Variants in SMAD3 observed in about 807,000 individuals in gnomAD.
The protein encoded by SMAD3 is MAD homolog 3.
In SMAD3, 12 loss-of-function variants were observed where a neutral mutation model predicts 51.8. That is an observed-to-expected ratio of 0.23 (90% CI 0.15 to 0.38). The LOEUF is 0.38. SMAD3 is among the 10% of genes least tolerant of loss of function. The pLI, the probability that SMAD3 is intolerant of heterozygous loss-of-function variation, is 1.00. For missense variants in SMAD3, 294 were observed against 565.6 expected, an observed-to-expected ratio of 0.52 and a Z score of 4.87; for synonymous variants, 238 against 227.7, an observed-to-expected ratio of 1.05 and a Z score of -0.41.
chr15:67,085,866 G>A (rs897725541), intron 1 of SMAD3, among the ~76,000 whole-genome samples: 14 of 63,786 alleles, frequency 2.2e-4, no homozygotes, highest in African/African-American at 7.3e-4. Context: ...AAAAAAAAGC[G>A]TGCACACACA....
intron 5 of SMAD3, among the ~76,000 whole-genome samples, chr15:67,177,115 G>A (rs1388059858): frequency 6.6e-6 from 1 of 152,170 alleles, no homozygotes; most frequent in East Asian, 1.9e-4. Flanking sequence ...TTGGTCAGGG[G>A]AGGGGTTGCC....
At chr15:67,074,938 G>A (rs1050445334) in intron 1 of SMAD3, among the ~76,000 whole-genome samples, 4 of 152,128 alleles carry the variant, frequency 2.6e-5, no homozygotes, top group African/African-American at 9.7e-5. Flanking sequence ...AACCTACAGA[G>A]TTATGAATCT....
chr15:67,097,200 G>T (rs144480452), intron 1 of SMAD3, among the ~76,000 whole-genome samples: 130 of 151,548 alleles, frequency 8.6e-4, no homozygotes, highest in Middle Eastern at 6.8e-3. Context: ...TTTTTTTGTG[G>T]TTTTTTTTGT....
At chr15:67,122,777 C>T (rs2140244729) in intron 1 of SMAD3, among the ~76,000 whole-genome samples, 1 of 152,284 alleles carries the variant, frequency 6.6e-6, no homozygotes, top group East Asian at 1.9e-4. Context: ...GACCAGGGTT[C>T]AAATCCTGGC....
intron 1 of SMAD3, among the ~76,000 whole-genome samples, chr15:67,164,040 G>A (rs961575794): frequency 3.3e-5 from 5 of 151,846 alleles, no homozygotes; most frequent in Non-Finnish European, 7.4e-5. Flanking sequence ...GGCCAGGCAC[G>A]GTGGTTCACG....
chr15:67,186,865 G>A, intron 7 of SMAD3: 10 of 353,130 alleles, frequency 2.8e-5, no homozygotes, highest in South Asian at 2.1e-4. Context: ...GGGGACGGCA[G>A]GCCCAGTAGC....
chr15:67,081,304 G>C (rs1403205252), intron 1 of SMAD3, among the ~76,000 whole-genome samples: 2 of 152,162 alleles, frequency 1.3e-5, no homozygotes, highest in Non-Finnish European at 2.9e-5. Context: ...GGATGACTAG[G>C]CCATCTTGTG....
chr15:67,092,282 C>T (rs555338029), intron 1 of SMAD3, among the ~76,000 whole-genome samples: 1 of 152,294 alleles, frequency 6.6e-6, no homozygotes, highest in African/African-American at 2.4e-5. Context: ...GCCTGATGCT[C>T]TAATTTTATA....
Position 67,194,493 on chromosome 15 carries a change from A to G in SMAD3, c.*3957A>G, listed in dbSNP as rs1303477189. 2 of 233,066 alleles carry G rather than the reference A, an allele frequency of 8.6e-6. No homozygotes were observed. Among genetic ancestry groups the G allele is most frequent in the Non-Finnish European group, 1.7e-5 (2 of 117,916 alleles). The allele number at this position is 233,066 out of a possible 1,614,324, so 14.4% of individuals were successfully genotyped here. ...TTGAGAAATTCTCAGTGATTCTGCA[A>G]TGGATTTTTTTTTAATGCAGAAGTA... On this transcript the variant is annotated 3_prime_UTR_variant, in exon 9 of 9. Transcript: ENST00000327367.
Position 67,150,764 on chromosome 15 carries a change from C to T in SMAD3, c.207-14131C>T, listed in dbSNP as rs527380539. ...CCGGCAGATAAGACTTGAGAAATTG[C>T]AGTTGTCAGGGGAGGGGACTTTTCC... On this transcript the variant is annotated intron_variant, in intron 1 of 8. Transcript: ENST00000327367. Among the ~76,000 whole-genome samples, 13 of 131,428 alleles carry T rather than the reference C, an allele frequency of 9.9e-5. No individual in the cohort carries two copies. The South Asian group carries it at 2.2e-3, about 22-fold the overall frequency. The allele number at this position is 131,428 out of a possible 152,430, so 86.2% of individuals were successfully genotyped here.
intron 1 of SMAD3, among the ~76,000 whole-genome samples, chr15:67,094,891 A>G (rs1331767767): frequency 6.6e-6 from 1 of 152,238 alleles, no homozygotes; most frequent in Non-Finnish European, 1.5e-5. Context: ...GCAGGGCTGC[A>G]TGAGGGGGTC....
chr15:67,170,523 G>T (rs754757198), intron 4 of SMAD3, 31 bp from the exon 5 acceptor site: 2 of 1,601,440 alleles, frequency 1.2e-6, no homozygotes, highest in Non-Finnish European at 1.7e-6. Context: ...AGAATCTTTT[G>T]TGAAGTCTCA....
At chr15:67,187,537 G>C (rs771436618) in intron 8 of SMAD3, 28 bp downstream of exon 8, 2 of 1,613,920 alleles carry the variant, frequency 1.2e-6, no homozygotes, top group Admixed American at 3.3e-5. Flanking sequence ...CCTACATCAG[G>C]GGACCCAACT....
At chr15:67,099,871 T>C (rs981542860) in intron 1 of SMAD3, among the ~76,000 whole-genome samples, 5 of 152,244 alleles carry the variant, frequency 3.3e-5, no homozygotes, top group African/African-American at 1.2e-4. Flanking sequence ...TACAATGGAA[T>C]ATTTTTTGAG....
At chr15:67,176,611 G>A (rs1156969021) in intron 5 of SMAD3, among the ~76,000 whole-genome samples, 1 of 152,166 alleles carries the variant, frequency 6.6e-6, no homozygotes, top group Non-Finnish European at 1.5e-5. Context: ...TCCAAGTGTT[G>A]CCTTCTGGGT....
At position 67,165,392 on chromosome 15, in the gene SMAD3, C is replaced by A. The variant is rs370879516; in HGVS notation, c.532+8C>A. ...CCCAGAGCAATATTCCAGGTAGGCA[C>A]GTGGGCGGCACAGGCTGGCCTGGGA... On this transcript the variant is annotated splice_region_variant and intron_variant, in intron 3 of 8. Transcript: ENST00000327367. The A allele has an allele frequency of 1.2e-6, 2 of 1,613,906 alleles. No individual in the cohort carries two copies. Among genetic ancestry groups the A allele is most frequent in the Non-Finnish European group, 1.7e-6 (2 of 1,179,908 alleles).
intron 5 of SMAD3, among the ~76,000 whole-genome samples, chr15:67,172,288 GCCT>G (rs1185829118): frequency 1.3e-5 from 2 of 152,262 alleles, no homozygotes; most frequent in African/African-American, 4.8e-5. Flanking sequence ...CCCTCCCCGA[GCCT>G]GGCCAGCAGA....
chr15:67,181,541 G>GA, intron 6 of SMAD3, 88 bp downstream of exon 6: 2 of 1,088,586 alleles, frequency 1.8e-6, no homozygotes, highest in Non-Finnish European at 2.6e-6. Flanking sequence ...CACAGCCTCT[G>GA]AAGGGAACCT....
chr15:67,088,347 G>T (rs1316863380), intron 1 of SMAD3, among the ~76,000 whole-genome samples: 1 of 152,226 alleles, frequency 6.6e-6, no homozygotes, highest in Non-Finnish European at 1.5e-5. Flanking sequence ...GTGGGCAGGG[G>T]CCTAGGGAAG....
Sources: gnomAD v4.1 joint callset for allele counts (sites outside exome capture counted in the v4.1 genomes callset) on GRCh38, gnomAD v4.1.1 for gene constraint, MANE v1.5 for transcripts, NCBI Gene and HGNC (gene_info 2026-07-23, HGNC 2026-07-21) for gene names.